Variants in CC2D2B observed in about 807,000 individuals in gnomAD.
The protein encoded by CC2D2B is coiled-coil and C2 domain containing 2B.
Under a neutral mutation model 161.2 loss-of-function variants are expected in CC2D2B, and 128 were observed. That is an observed-to-expected ratio of 0.79 (90% CI 0.69 to 0.92). The LOEUF is 0.92. Among genes scored for constraint, CC2D2B ranks in the 40% least tolerant of loss-of-function variants. The pLI is 0.00. For synonymous variants in CC2D2B, 391 were observed against 449.8 expected, an observed-to-expected ratio of 0.87 and a Z score of 1.65; for missense variants, 1,173 against 1,375.1, an observed-to-expected ratio of 0.85 and a Z score of 2.32.
At chr10:96,030,284 C>A (rs2080010695) in intron 34 of CC2D2B, among the ~76,000 whole-genome samples, 1 of 151,970 alleles carries the variant, frequency 6.6e-6, no homozygotes, top group Non-Finnish European at 1.5e-5. Context: ...AGTCCATAAA[C>A]AAACATGGTG....
At chr10:95,951,601 G>A (rs1330301026) in intron 10 of CC2D2B, among the ~76,000 whole-genome samples, 1 of 151,830 alleles carries the variant, frequency 6.6e-6, no homozygotes. Context: ...AATGAATGAA[G>A]GAAACAACTC....
chr10:95,982,886 C>T (rs1270106738), intron 18 of CC2D2B, among the ~76,000 whole-genome samples: 1 of 152,136 alleles, frequency 6.6e-6, no homozygotes, highest in Non-Finnish European at 1.5e-5. Context: ...ATTCTCTTGC[C>T]TCAGCCTCTC....
chr10:95,970,955 A>T (rs79932800), intron 15 of CC2D2B, among the ~76,000 whole-genome samples: 5,768 of 152,256 alleles, frequency 0.038, 159 homozygotes, highest in South Asian at 0.079. Context: ...TTGGCTAATA[A>T]GTCATCACTT....
intron 9 of CC2D2B, among the ~76,000 whole-genome samples, chr10:95,943,068 C>T (rs972615928): frequency 2.4e-4 from 36 of 152,062 alleles, no homozygotes; most frequent in Admixed American, 1.0e-3. Context: ...GTTTCGATTT[C>T]ACTCCCAGTA....
In CC2D2B at chr10:95,947,078, C is replaced by CAAAAAAAAAAAAAAAAA. The variant is rs368168752; in HGVS notation, c.802-2813_802-2812insAAAAAAAAAAAAAAAAA. On this transcript the variant is annotated intron_variant, in intron 9 of 34. Coordinates refer to ENST00000646931, the MANE Select transcript of CC2D2B (RefSeq NM_001349008.3). ...GTGCATAAATTCCAAATAGTGGACT[C>CAAAAAAAAAAAAAAAAA]AAAAATATATATATATATATATATA... Among the ~76,000 whole-genome samples, 23 of 52,036 alleles carry CAAAAAAAAAAAAAAAAA rather than the reference C, an allele frequency of 4.4e-4. 1 individual carries two copies. The highest frequency in any genetic ancestry group is 5.8e-4 in the Non-Finnish European group (14 of 24,288). 34.1% of individuals were successfully genotyped at this position (52,036 alleles called of 152,430 possible). A position where few individuals can be genotyped will look rare whatever the true frequency, so the allele number is the denominator to read the frequency against.
intron 9 of CC2D2B, among the ~76,000 whole-genome samples, chr10:95,942,537 C>G (rs914819988): frequency 3.9e-5 from 6 of 151,988 alleles, no homozygotes; most frequent in African/African-American, 1.4e-4. Flanking sequence ...TAAAATATCC[C>G]CTTCTTCACC....
chr10:95,950,705 A>G (rs576571363), intron 10 of CC2D2B, among the ~76,000 whole-genome samples: 3 of 152,328 alleles, frequency 2.0e-5, no homozygotes, highest in African/African-American at 7.2e-5. Flanking sequence ...AATCCCCTCT[A>G]AGCTATTTAA....
chr10:95,943,278 G>C (rs1386668489), intron 9 of CC2D2B, among the ~76,000 whole-genome samples: 1 of 152,152 alleles, frequency 6.6e-6, no homozygotes, highest in Non-Finnish European at 1.5e-5. Context: ...TCTATCAGAT[G>C]TTCCATTGCT....
chr10:96,011,139 C>T (rs1191083203), intron 26 of CC2D2B, among the ~76,000 whole-genome samples: 7 of 152,160 alleles, frequency 4.6e-5, no homozygotes, highest in African/African-American at 1.7e-4. Context: ...TGGGAAAGAA[C>T]GAATATCAGG....
chr10:96,010,024 T>C (rs1327195199), intron 26 of CC2D2B, 101 bp downstream of exon 26: 4 of 701,762 alleles, frequency 5.7e-6, no homozygotes, highest in Admixed American at 4.4e-5. Flanking sequence ...GGCAGGCTGG[T>C]AGGTCAGTTA....
chr10:95,987,432 G>A (rs557647378), intron 19 of CC2D2B, among the ~76,000 whole-genome samples: 2 of 152,274 alleles, frequency 1.3e-5, no homozygotes, highest in East Asian at 3.9e-4. Context: ...TGGATAATTA[G>A]AAGAACAAGT....
intron 6 of CC2D2B, among the ~76,000 whole-genome samples, chr10:95,934,649 C>T (rs971994736): frequency 6.6e-6 from 1 of 152,100 alleles, no homozygotes; most frequent in Admixed American, 6.6e-5. Context: ...AGGGAGTTCC[C>T]CAACCCCTTA....
chr10:95,909,166 A>C (rs1439869463), intron 1 of CC2D2B, among the ~76,000 whole-genome samples: 1 of 152,212 alleles, frequency 6.6e-6, no homozygotes, highest in Non-Finnish European at 1.5e-5. Context: ...GATAACAGTT[A>C]AGTTAATTTT....
intron 33 of CC2D2B, among the ~76,000 whole-genome samples, chr10:96,025,171 ATATAT>A (rs2079663670): frequency 1.2e-4 from 3 of 24,872 alleles, no homozygotes; most frequent in African/African-American, 1.8e-4. Flanking sequence ...ATATATATAT[ATATAT>A]ATATATATAA....
rs111260440 is a variant in CC2D2B at position 96,033,460 on chromosome 10, G to A, written c.*1452G>A. ...TTGAATGTTTTTGTTTAAATTTAAT[G>A]TGAAGTTTTATTATTAAACAAGTCC... On this transcript the variant is annotated 3_prime_UTR_variant, in exon 35 of 35. Coordinates refer to ENST00000646931, the MANE Select transcript of CC2D2B (RefSeq NM_001349008.3). Among the ~76,000 whole-genome samples, 344 of 152,302 alleles carry A rather than the reference G, an allele frequency of 2.3e-3. 1 individual carries two copies. Among genetic ancestry groups the A allele is most frequent in the African/African-American group, 7.5e-3 (311 of 41,572 alleles).
chr10:95,913,767 T>A (rs902146122), intron 2 of CC2D2B, among the ~76,000 whole-genome samples: 11 of 152,236 alleles, frequency 7.2e-5, no homozygotes, highest in African/African-American at 2.7e-4. Context: ...ATGTCTTCTT[T>A]TGAGAAATAT....
rs771954365 is a variant in CC2D2B, at chr10:95,971,032, A to AT, written c.1645-1033dup. On this transcript the variant is annotated intron_variant, in intron 15 of 34. Transcript: ENST00000646931. ...CCCTCTGATTTCCTTCTTAGAGCTC[A>AT]TATCACTGTTTTCCCAAGCACTGAC... Among the ~76,000 whole-genome samples the AT allele has an allele frequency of 3.0e-4, 46 of 152,224 alleles. 1 individual carries two copies. In the East Asian group the frequency reaches 8.9e-3, roughly 29 times the overall value.
chr10:95,938,446 G>A (rs938565498), intron 7 of CC2D2B, 123 bp from the exon 8 acceptor site: 4 of 602,726 alleles, frequency 6.6e-6, no homozygotes, highest in Non-Finnish European at 1.2e-5. Flanking sequence ...GACAGTGAGA[G>A]AGAGGCTTTC....
intron 26 of CC2D2B, 139 bp downstream of exon 26, chr10:96,010,062 G>A (rs911061930): frequency 1.8e-6 from 1 of 570,184 alleles, no homozygotes; most frequent in African/African-American, 1.9e-5. Flanking sequence ...AATGTTCTGG[G>A]CTTTTGAAGT....
Sources: allele counts gnomAD v4.1 joint callset (sites outside exome capture counted in the v4.1 genomes callset), GRCh38; gene constraint gnomAD v4.1.1; transcripts MANE v1.5; gene names NCBI Gene and HGNC (gene_info 2026-07-23, HGNC 2026-07-21).